Variants in PIEZO2 observed in about 807,000 individuals in gnomAD.
The protein encoded by PIEZO2 is piezo type mechanosensitive ion channel component 2, also known as piezo-type mechanosensitive ion channel component 2.
Under a neutral mutation model 337.3 loss-of-function variants are expected in PIEZO2, and 172 were observed. The observed-to-expected ratio is 0.51, with a 90% CI of 0.45 to 0.58. The LOEUF is 0.58. PIEZO2 is among the 20% of genes least tolerant of loss of function. PIEZO2 has a pLI of 0.00. For synonymous variants in PIEZO2, 1,251 were observed against 1,228.5 expected, an observed-to-expected ratio of 1.02 and a Z score of -0.38; for missense variants, 3,028 against 3,391.3, an observed-to-expected ratio of 0.89 and a Z score of 2.66.
rs533960954 is a variant in PIEZO2 at position 11,128,366 on chromosome 18, G to C, written c.64+20159C>G. Reference sequence around the variant, plus strand: ...ATCATGAGAGTGGCTGACCTGCAACGAAAGATACATGCACAGCCCCGCCAG... The same window carrying C: ...ATCATGAGAGTGGCTGACCTGCAACCAAAGATACATGCACAGCCCCGCCAG... On this transcript the variant is annotated intron_variant, in intron 1 of 55. Coordinates refer to ENST00000674853, the MANE Select transcript of PIEZO2 (RefSeq NM_001378183.1). This position sits in a 1 kb window ranked among gnomAD's most constrained non-coding sequence, Gnocchi z 4.1. Among the ~76,000 whole-genome samples the C allele has an allele frequency of 6.6e-6, 1 of 152,244 alleles. No homozygotes were observed. The highest frequency in any genetic ancestry group is 1.9e-4 in the East Asian group (1 of 5,176).
At chr18:10,762,711 A>T in intron 22 of PIEZO2, 86 bp from the exon 23 acceptor site, 1 of 1,455,956 alleles carries the variant, frequency 6.9e-7, no homozygotes, top group Non-Finnish European at 9.2e-7. Context: ...CTTGAGCAAA[A>T]TGATAGTGGT....
At chr18:10,838,427 T>G (rs1424832447) in intron 7 of PIEZO2, among the ~76,000 whole-genome samples, 1 of 152,248 alleles carries the variant, frequency 6.6e-6, no homozygotes, top group African/African-American at 2.4e-5. Context: ...CTGAGTCCCC[T>G]GGGCTCTGCA....
In PIEZO2 at chr18:10,824,188, A is replaced by G. The variant is rs1453111520; in HGVS notation, c.918-16914T>C. 1.3e-5 allele frequency among the ~76,000 whole-genome samples: 2 copies of G among 152,204 alleles called. No homozygotes were observed. The highest frequency in any genetic ancestry group is 4.8e-5 in the African/African-American group (2 of 41,448). On this transcript the variant is annotated intron_variant, in intron 7 of 55. Coordinates refer to ENST00000674853, the MANE Select transcript of PIEZO2 (RefSeq NM_001378183.1). This position sits in a 1 kb window ranked among gnomAD's most constrained non-coding sequence, Gnocchi z 4.4. ...ATTTCATTGCATAAATAAACCACAGACTACTCTAGAAATCTGGGGCTAGGG... is the reference window on the plus strand; with the variant it reads ...ATTTCATTGCATAAATAAACCACAGGCTACTCTAGAAATCTGGGGCTAGGG...
chr18:10,882,294 T>C (rs2042442185), intron 4 of PIEZO2, among the ~76,000 whole-genome samples: 1 of 152,126 alleles, frequency 6.6e-6, no homozygotes. Flanking sequence ...AGAAAAATAA[T>C]GACAAAAATT....
chr18:10,722,403 T>C (rs2036352890), intron 36 of PIEZO2, among the ~76,000 whole-genome samples: 1 of 152,008 alleles, frequency 6.6e-6, no homozygotes, highest in Non-Finnish European at 1.5e-5. Flanking sequence ...GATAATTTTT[T>C]GTATTTTTAG....
chr18:10,778,146 T>G (rs1037564818), intron 18 of PIEZO2, among the ~76,000 whole-genome samples: 18 of 152,154 alleles, frequency 1.2e-4, no homozygotes, highest in African/African-American at 4.3e-4. Context: ...ATTCTCCTTA[T>G]AAAACACTGA....
intron 3 of PIEZO2, among the ~76,000 whole-genome samples, chr18:10,960,661 A>G (rs1365975648): frequency 6.6e-6 from 1 of 152,032 alleles, no homozygotes; most frequent in East Asian, 1.9e-4. Flanking sequence ...TACTCAGACT[A>G]AAAAAAGTCC....
At position 11,116,702 on chromosome 18, in the gene PIEZO2, G is replaced by A. The variant is rs9952014; in HGVS notation, c.64+31823C>T. ...CGCACTCCAGCCTGGGCGACAGAAC[G>A]AGACTCCGTCTCAAAAAAAACAAAG... On this transcript the variant is annotated intron_variant, in intron 1 of 55. Transcript: ENST00000674853. This position sits in a 1 kb window ranked among gnomAD's most constrained non-coding sequence, Gnocchi z 5.0. 8.3e-3 allele frequency among the ~76,000 whole-genome samples: 1,263 copies of A among 151,314 alleles called. 13 individuals carry two copies. Among genetic ancestry groups the A allele is most frequent in the African/African-American group, 0.026 (1,089 of 41,128 alleles).
chr18:10,926,852 A>G (rs904030902), intron 3 of PIEZO2, among the ~76,000 whole-genome samples: 1 of 152,214 alleles, frequency 6.6e-6, no homozygotes, highest in African/African-American at 2.4e-5. Context: ...ACTGAGTAGG[A>G]AACACAATTA....
At chr18:10,984,070 A>T (rs1360613140) in intron 2 of PIEZO2, among the ~76,000 whole-genome samples, 1 of 152,190 alleles carries the variant, frequency 6.6e-6, no homozygotes, top group Non-Finnish European at 1.5e-5. Context: ...CTTCTGGCCC[A>T]AAGCCAGTCA....
In PIEZO2 at chr18:10,682,376, C is replaced by G; in HGVS notation, c.7498-84G>C. 8.2e-7 allele frequency: 1 copy of G among 1,217,968 alleles called. No individual in the cohort carries two copies. Among genetic ancestry groups the G allele is most frequent in the Non-Finnish European group, 1.1e-6 (1 of 886,490 alleles). The allele number at this position is 1,217,968 out of a possible 1,614,324, so 75.4% of individuals were successfully genotyped here. ...GCGGGATTGGGGGAGAGCGAGTGCTCTTCCTGTGGTGCTGGGAACATGGAT... is the reference window on the plus strand; with the variant it reads ...GCGGGATTGGGGGAGAGCGAGTGCTGTTCCTGTGGTGCTGGGAACATGGAT... On this transcript the variant is annotated intron_variant, in intron 49 of 55. Transcript: ENST00000674853. This position sits in a 1 kb window ranked among gnomAD's most constrained non-coding sequence, Gnocchi z 5.6.
Position 10,794,003 on chromosome 18 carries a change from A to T in PIEZO2, c.1758+769T>A, listed in dbSNP as rs2039496376. 6.6e-6 allele frequency among the ~76,000 whole-genome samples: 1 copy of T among 152,160 alleles called. No individual in the cohort carries two copies. On this transcript the variant is annotated intron_variant, in intron 13 of 55. Coordinates refer to ENST00000674853, the MANE Select transcript of PIEZO2 (RefSeq NM_001378183.1). This position sits in a 1 kb window ranked among gnomAD's most constrained non-coding sequence, Gnocchi z 6.6. ...TTAAAGCGGGCACTTGCTCCCAGGA[A>T]AGGTGAATTTCATGTAATTCATGAA...
chr18:11,020,093 AT>A (rs2036257099), intron 2 of PIEZO2, among the ~76,000 whole-genome samples: 1 of 152,234 alleles, frequency 6.6e-6, no homozygotes. Context: ...CAATTTTCTA[AT>A]TTTAAAAGTT....
At chr18:10,860,979 C>G (rs541655347) in intron 5 of PIEZO2, among the ~76,000 whole-genome samples, 13 of 152,320 alleles carry the variant, frequency 8.5e-5, no homozygotes, top group African/African-American at 2.9e-4. Context: ...GAGCCAAGAG[C>G]GAGACGGGTT....
At chr18:11,010,583 T>C (rs527927074) in intron 2 of PIEZO2, among the ~76,000 whole-genome samples, 1 of 152,334 alleles carries the variant, frequency 6.6e-6, no homozygotes, top group Non-Finnish European at 1.5e-5. Flanking sequence ...CTGGTTAAGC[T>C]CCTTATTTAT....
chr18:10,984,310 G>A (rs1198514991), intron 2 of PIEZO2, among the ~76,000 whole-genome samples: 1 of 152,024 alleles, frequency 6.6e-6, no homozygotes, highest in Non-Finnish European at 1.5e-5. Flanking sequence ...AGCTCAGTGA[G>A]CTACAAGGGA....
chr18:10,722,783 T>A (rs988458652), intron 36 of PIEZO2, among the ~76,000 whole-genome samples: 1 of 152,086 alleles, frequency 6.6e-6, no homozygotes, highest in Non-Finnish European at 1.5e-5. Flanking sequence ...CGAGAGTGGA[T>A]GAGAACACCT....
intron 21 of PIEZO2, 95 bp downstream of exon 21, chr18:10,770,053 G>A (rs935195634): frequency 1.5e-5 from 20 of 1,305,974 alleles, no homozygotes; most frequent in South Asian, 7.3e-5. Context: ...GATGTAATGC[G>A]GATCACATTA....
chr18:10,772,161 T>C (rs1010210396), intron 20 of PIEZO2, among the ~76,000 whole-genome samples: 3 of 152,176 alleles, frequency 2.0e-5, no homozygotes, highest in Non-Finnish European at 4.4e-5. Flanking sequence ...TCATGCATAG[T>C]GTATACAGGG....
Sources: gnomAD v4.1 joint callset for allele counts (sites outside exome capture counted in the v4.1 genomes callset) on GRCh38, gnomAD v4.1.1 for gene constraint, Gnocchi (gnomAD v3.1) non-coding constraint, MANE v1.5 for transcripts, NCBI Gene and HGNC (gene_info 2026-07-23, HGNC 2026-07-21) for gene names.